TDRP: variants seen among roughly 807,000 people sequenced by gnomAD.
TDRP encodes testis development related protein.
TDRP carries 12 observed loss-of-function variants against 10.5 expected under a neutral mutation model. The observed-to-expected ratio is 1.15, with a 90% CI of 0.73 to 1.86. The LOEUF is 1.86. TDRP is among the 40% of genes most tolerant of loss of function. The pLI, the probability that TDRP is intolerant of heterozygous loss-of-function variation, is 0.00. For missense variants in TDRP, 353 were observed against 229.2 expected (o/e 1.54, Z -3.49); for synonymous variants, 139 against 95.4 (o/e 1.46, Z -2.67).
chr8:505,359 G>A (rs183908240), intron 1 of TDRP, among the ~76,000 whole-genome samples: 2 of 152,196 alleles, frequency 1.3e-5, no homozygotes, highest in Admixed American at 6.5e-5. Flanking sequence ...TGTGAAACAG[G>A]GGTGGGAAGG....
At chr8:506,744 G>A (rs913570000) in intron 1 of TDRP, among the ~76,000 whole-genome samples, 1 of 152,196 alleles carries the variant, frequency 6.6e-6, no homozygotes, top group Admixed American at 6.5e-5. Context: ...GATGTCCCTG[G>A]TGGAGAAGCA....
chr8:526,313 T>G (rs1802033911), intron 1 of TDRP, among the ~76,000 whole-genome samples: 1 of 152,166 alleles, frequency 6.6e-6, no homozygotes, highest in South Asian at 2.1e-4. Context: ...TTCTTTAAAA[T>G]GCACCACTGG....
intron 1 of TDRP, among the ~76,000 whole-genome samples, chr8:543,784 T>A (rs1386464296): frequency 1.3e-5 from 2 of 152,148 alleles, no homozygotes; most frequent in African/African-American, 4.8e-5. Flanking sequence ...CAGGTACAAA[T>A]CCTTATATTC....
In TDRP at chr8:544,788, G is replaced by A. The variant is rs780222845; in HGVS notation, c.-31C>T. ...GGCGGGCTCCGGCGTCCCTCCGTCC[G>A]TGCGTCGGGCTGTGGCTCCGCGTCC... is the stretch of plus-strand genomic sequence containing the variant. On this transcript the variant is annotated 5_prime_UTR_variant, in exon 1 of 3. The change creates a new upstream start codon in the 5' untranslated region. Transcript: ENST00000324079. 3.3e-6 allele frequency: 4 copies of A among 1,221,812 alleles called. No individual in the cohort carries two copies. The highest frequency in any genetic ancestry group is 3.1e-6 in the Non-Finnish European group (3 of 978,306). The allele number at this position is 1,221,812 out of a possible 1,614,324, so 75.7% of individuals were successfully genotyped here.
At chr8:496,796 T>C (rs7015613) in intron 1 of TDRP, among the ~76,000 whole-genome samples, 40,567 of 152,168 alleles carry the variant, frequency 0.27, 5,707 homozygotes, top group Admixed American at 0.35. Context: ...GGGAGATGAC[T>C]GGATCATGGG....
chr8:544,822 C>A lies in TDRP; in HGVS notation c.-65G>T, dbSNP rs1225669939. 1.7e-6 allele frequency: 2 copies of A among 1,148,074 alleles called. No homozygotes were observed. The highest frequency in any genetic ancestry group is 4.4e-5 in the South Asian group (1 of 22,774). 71.1% of individuals were successfully genotyped at this position (1,148,074 alleles called of 1,614,324 possible). On this transcript the variant is annotated 5_prime_UTR_variant, in exon 1 of 3. Coordinates refer to ENST00000324079, the MANE Select transcript of TDRP (RefSeq NM_001384899.1). ...GCTGTGGCTCCGCGTCCCTCCCGGCCGCCGGACGCTCTGCCTGCGGCTCCT... is the reference window on the plus strand; with the variant it reads ...GCTGTGGCTCCGCGTCCCTCCCGGCAGCCGGACGCTCTGCCTGCGGCTCCT...
At chr8:512,269 ACAAC>A (rs1563122628) in intron 1 of TDRP, among the ~76,000 whole-genome samples, 2 of 123,192 alleles carry the variant, frequency 1.6e-5, no homozygotes, top group Non-Finnish European at 1.9e-5. Context: ...AACAACAACA[ACAAC>A]AAAAAAAAAA....
chr8:541,498 A>C (rs886309870), intron 1 of TDRP, among the ~76,000 whole-genome samples: 7 of 152,250 alleles, frequency 4.6e-5, no homozygotes, highest in Admixed American at 2.6e-4. Context: ...AAATCTTTAT[A>C]GAACACATAC....
At chr8:543,122 A>G (rs1802542878) in intron 1 of TDRP, among the ~76,000 whole-genome samples, 1 of 152,120 alleles carries the variant, frequency 6.6e-6, no homozygotes, top group Non-Finnish European at 1.5e-5. Context: ...TGCCTGGACA[A>G]CATAGCAAGA....
rs776672332 is a variant in TDRP, at chr8:492,528, C to T, written c.429G>A (p.Ser143=). The T allele has an allele frequency of 1.4e-5, 23 of 1,610,472 alleles. No homozygotes were observed. Among genetic ancestry groups the T allele is most frequent in the South Asian group, 3.3e-5 (3 of 90,676 alleles). Residue 143 remains serine (S), a synonymous_variant, in exon 3 of 3, where the codon TCG becomes TCA. Transcript: ENST00000324079. ...AGCTGGCCAGGCTGGTGTACTTGGT[C>T]GAGCCCTTGGCGTCATCCTCCCAGC... ...WSGWEDDAKG[S]TKYTSLASSA... is the part of the protein sequence containing the mutation.
chr8:536,554 A>T (rs1385280379), intron 1 of TDRP, among the ~76,000 whole-genome samples: 1 of 152,226 alleles, frequency 6.6e-6, no homozygotes, highest in Non-Finnish European at 1.5e-5. Context: ...TTGGCATACA[A>T]ATTGATACAT....
At chr8:510,547 A>T (rs1038258459) in intron 1 of TDRP, among the ~76,000 whole-genome samples, 1 of 152,250 alleles carries the variant, frequency 6.6e-6, no homozygotes, top group Non-Finnish European at 1.5e-5. Context: ...TCTCAGTAAA[A>T]ACAATGAATG....
intron 2 of TDRP, 72 bp from the exon 3 acceptor site, chr8:492,816 C>G (rs1585131000): frequency 8.3e-7 from 1 of 1,199,776 alleles, no homozygotes; most frequent in East Asian, 2.5e-5. Flanking sequence ...ATTTTACAAA[C>G]ATAAAATTCT....
chr8:509,105 C>A (rs938493020), intron 1 of TDRP, among the ~76,000 whole-genome samples: 3 of 152,258 alleles, frequency 2.0e-5, no homozygotes, highest in Non-Finnish European at 4.4e-5. Context: ...GGCAGCTCCA[C>A]CCCTGTGGCT....
chr8:527,761 A>C (rs1006708969), intron 1 of TDRP, among the ~76,000 whole-genome samples: 1 of 152,176 alleles, frequency 6.6e-6, no homozygotes, highest in African/African-American at 2.4e-5. Flanking sequence ...AAAAAATCAA[A>C]TCAAAATGGA....
intron 1 of TDRP, among the ~76,000 whole-genome samples, chr8:496,030 G>C (rs1441825407): frequency 1.3e-5 from 2 of 152,222 alleles, no homozygotes; most frequent in Non-Finnish European, 2.9e-5. Context: ...ACTGGGATAG[G>C]AGTATGATGG....
Position 528,616 on chromosome 8 carries a change from A to G in TDRP, c.108+16034T>C, listed in dbSNP as rs531806108. On this transcript the variant is annotated intron_variant, in intron 1 of 2. Transcript: ENST00000324079. ...AATAATATTAAATAATTGTACTTTT[A>G]AAAAATAAGAGTATAATTGGATTGT... is the stretch of plus-strand genomic sequence containing the variant. Among the ~76,000 whole-genome samples, 45 of 131,278 alleles carry G rather than the reference A, an allele frequency of 3.4e-4. 5 individuals are homozygous for G. The highest frequency in any genetic ancestry group is 8.6e-4 in the South Asian group (3 of 3,474). 86.1% of individuals were successfully genotyped at this position (131,278 alleles called of 152,430 possible).
At chr8:533,218 A>T (rs17065117) in intron 1 of TDRP, among the ~76,000 whole-genome samples, 1 of 152,082 alleles carries the variant, frequency 6.6e-6, no homozygotes, top group African/African-American at 2.4e-5. Context: ...CCAGAAGCAC[A>T]TAAGCCTCTC....
chr8:527,502 G>A (rs1021963890), intron 1 of TDRP, among the ~76,000 whole-genome samples: 5 of 152,050 alleles, frequency 3.3e-5, no homozygotes, highest in South Asian at 2.1e-4. Context: ...CATGTTACCC[G>A]ACTTCAAATT....
Sources: allele counts gnomAD v4.1 joint callset (sites outside exome capture counted in the v4.1 genomes callset), GRCh38; gene constraint gnomAD v4.1.1; transcripts MANE v1.5; gene names NCBI Gene and HGNC (gene_info 2026-07-23, HGNC 2026-07-21).